CHD3: variants seen among roughly 807,000 people sequenced by gnomAD.
CHD3 encodes the protein ATP-dependent chromatin remodeler CHD3.
Under a neutral mutation model 248.9 loss-of-function variants are expected in CHD3, and 52 were observed. That is an observed-to-expected ratio of 0.21 (90% CI 0.17 to 0.26). The LOEUF (loss-of-function observed/expected upper bound fraction) is 0.26. Ranked by LOEUF, CHD3 falls within the 10% of genes least tolerant of loss-of-function variation. CHD3 has a pLI of 1.00. For missense variants in CHD3, 1,482 were observed against 2,605.8 expected (o/e 0.57, Z 9.39); for synonymous variants, 985 against 985.2 (o/e 1.00, Z 0.00).
chr17:7,893,002 A>G (rs1969105949), intron 4 of CHD3, among the ~76,000 whole-genome samples: 1 of 151,612 alleles, frequency 6.6e-6, no homozygotes, highest in Admixed American at 6.6e-5. Flanking sequence ...GGCTTATCTC[A>G]TAGCCCTGGG....
rs923984651 is a variant in CHD3, at chr17:7,899,751, T to G, written c.2545-145T>G. 4.2e-5 allele frequency: 49 copies of G among 1,155,712 alleles called. No homozygotes were observed. Among genetic ancestry groups the G allele is most frequent in the Non-Finnish European group, 5.6e-5 (45 of 802,690 alleles). The allele number at this position is 1,155,712 out of a possible 1,614,324, so 71.6% of individuals were successfully genotyped here. Reference sequence around the variant, plus strand: ...GGTACTGGAAATGTGGGCAGAGGTTTAGGAGCCATGGTCTGTAATCCCTGC... The same window carrying G: ...GGTACTGGAAATGTGGGCAGAGGTTGAGGAGCCATGGTCTGTAATCCCTGC... On this transcript the variant is annotated intron_variant, in intron 15 of 39. Transcript: ENST00000330494. The surrounding 1 kb of genome is among the most constrained non-coding windows in gnomAD (Gnocchi z 6.8).
Position 7,910,266 on chromosome 17 carries a change from C to T in CHD3, c.5591-162C>T. The T allele has an allele frequency of 1.2e-6, 1 of 858,438 alleles. No individual in the cohort carries two copies. The highest frequency in any genetic ancestry group is 1.9e-6 in the Non-Finnish European group (1 of 536,144). 53.2% of individuals were successfully genotyped at this position (858,438 alleles called of 1,614,324 possible). ...CTGAGTTGCTTCTGTTTTCCATCTA[C>T]TTCTTTTACTTTCTTGATCTCTGGT... On this transcript the variant is annotated intron_variant, in intron 37 of 39. Transcript: ENST00000330494. The surrounding 1 kb of genome is among the most constrained non-coding windows in gnomAD (Gnocchi z 4.7).
Position 7,905,759 on chromosome 17 carries a change from A to C in CHD3, c.4224+53A>C. ...TTCTCCAAGAGGGCATGAGGGCAGGAGGTTGGAAGTTGGTGCCTGGATCAC... is the reference window on the plus strand; with the variant it reads ...TTCTCCAAGAGGGCATGAGGGCAGGCGGTTGGAAGTTGGTGCCTGGATCAC... On this transcript the variant is annotated intron_variant, in intron 27 of 39. Coordinates refer to ENST00000330494, the MANE Select transcript of CHD3 (RefSeq NM_001005273.3). This position sits in a 1 kb window ranked among gnomAD's most constrained non-coding sequence, Gnocchi z 5.8. 1 of 1,613,104 alleles carries C rather than the reference A, an allele frequency of 6.2e-7. No individual in the cohort carries two copies. Among genetic ancestry groups the C allele is most frequent in the Non-Finnish European group, 8.5e-7 (1 of 1,179,138 alleles).
chr17:7,900,012 A>T lies in CHD3; in HGVS notation c.2661A>T (p.Arg887=). ...GTCTTGTGGTAGATGAGGCCCATCG[A>T]CTCAAGAACAACCAGTCCAAGGTGA... ...WACLVVDEAH[R]LKNNQSKFFR... The change falls in exon 16 of 40, where the codon CGA becomes CGT. Residue 887 remains arginine, a synonymous_variant. Transcript: ENST00000330494. The surrounding 1 kb of genome is among the most constrained non-coding windows in gnomAD (Gnocchi z 6.5). The T allele has an allele frequency of 6.2e-7, 1 of 1,612,772 alleles. No individual in the cohort carries two copies. The highest frequency in any genetic ancestry group is 1.1e-5 in the South Asian group (1 of 91,030).
chr17:7,893,634 C>T (rs952832743), intron 5 of CHD3, 65 bp downstream of exon 5: 52 of 1,529,936 alleles, frequency 3.4e-5, no homozygotes, highest in Non-Finnish European at 3.9e-5. Flanking sequence ...ACATTAGAGT[C>T]TGGAACTCTC....
In CHD3 at chr17:7,905,534, G is replaced by T. The variant is rs1250807904; in HGVS notation, c.4139-87G>T. 4 of 988,704 alleles carry T rather than the reference G, an allele frequency of 4.0e-6. No homozygotes were observed. Among genetic ancestry groups the T allele is most frequent in the Non-Finnish European group, 6.0e-6 (4 of 671,220 alleles). 61.2% of individuals were successfully genotyped at this position (988,704 alleles called of 1,614,324 possible). ...AACGTGACAGGAATGTTCCTGTGTT[G>T]TGTATCTTGTGGGAATGGGGTGCTA... On this transcript the variant is annotated intron_variant, in intron 26 of 39. Transcript: ENST00000330494. This position sits in a 1 kb window ranked among gnomAD's most constrained non-coding sequence, Gnocchi z 5.8.
chr17:7,890,439 A>G (rs554109948), intron 2 of CHD3, 132 bp from the exon 3 acceptor site: 20 of 675,312 alleles, frequency 3.0e-5, no homozygotes, highest in South Asian at 2.4e-5. Flanking sequence ...CAAAAAAAAA[A>G]AGGAGATAAA....
In CHD3 at chr17:7,894,249, A is replaced by G; in HGVS notation, c.1059A>G (p.Gly353=). 8 of 1,614,052 alleles carry G rather than the reference A, an allele frequency of 5.0e-6. No individual in the cohort carries two copies. Among genetic ancestry groups the G allele is most frequent in the Non-Finnish European group, 6.8e-6 (8 of 1,179,990 alleles). Residue 353 remains glycine (G), a synonymous_variant, in exon 7 of 40, where the codon GGA becomes GGG. Coordinates refer to ENST00000330494, the MANE Select transcript of CHD3 (RefSeq NM_001005273.3). ...RTKKLKRGRP[G]RKKKKVLGCP... is the part of the protein sequence containing the mutation. ...AGAAACTAAAGAGAGGCCGGCCAGG[A>G]AGGAAGAAGAAGAAGGGTAAGGAGT...
intron 7 of CHD3, 61 bp downstream of exon 7, chr17:7,894,326 A>G (rs1969341968): frequency 1.3e-6 from 2 of 1,593,226 alleles, no homozygotes; most frequent in Non-Finnish European, 1.7e-6. Context: ...CTTATTTTCA[A>G]TTTTGACTTC....
intron 4 of CHD3, among the ~76,000 whole-genome samples, chr17:7,891,896 T>C (rs557576969): frequency 1.3e-5 from 2 of 152,074 alleles, no homozygotes; most frequent in African/African-American, 4.8e-5. Flanking sequence ...TGCCGATGTA[T>C]TTTGTTTTGG....
At chr17:7,894,853 G>GT (rs1274729576) in intron 8 of CHD3, 64 bp from the exon 9 acceptor site, 4 of 1,589,406 alleles carry the variant, frequency 2.5e-6, no homozygotes, top group Non-Finnish European at 3.4e-6. Context: ...GTCTTTGCCT[G>GT]TATCTTCCAG....
In CHD3 at chr17:7,908,656, C is replaced by G; in HGVS notation, c.5262-41C>G. 6.2e-7 allele frequency: 1 copy of G among 1,612,090 alleles called. No individual in the cohort carries two copies. Among genetic ancestry groups the G allele is most frequent in the Non-Finnish European group, 8.5e-7 (1 of 1,178,336 alleles). ...AGAAGTGTTCAAAGCCAAGCCCATT[C>G]CTGTTAAATTCCTTGATGGTTCCTT... is the stretch of plus-strand genomic sequence containing the variant. On this transcript the variant is annotated intron_variant, in intron 35 of 39. Transcript: ENST00000330494. The surrounding 1 kb of genome is among the most constrained non-coding windows in gnomAD (Gnocchi z 5.8).
At chr17:7,885,443 C>A (rs1190250079), upstream of CHD3, among the ~76,000 whole-genome samples, 2 of 150,770 alleles carry the variant, frequency 1.3e-5, no homozygotes, top group Admixed American at 1.3e-4. Flanking sequence ...TTTTTTTTAC[C>A]CTCGGCGGGG....
At position 7,909,446 on chromosome 17, in the gene CHD3, C is replaced by T. The variant is rs1269117282; in HGVS notation, c.5590+108C>T. On this transcript the variant is annotated intron_variant, in intron 37 of 39. Transcript: ENST00000330494. The surrounding 1 kb of genome is among the most constrained non-coding windows in gnomAD (Gnocchi z 8.1). ...CCCCCTGACCCCTCTACCTGCTGAA[C>T]CATCCCCCTCTGACCTCTAACCCCA... 1 of 1,396,668 alleles carries T rather than the reference C, an allele frequency of 7.2e-7. No individual in the cohort carries two copies. The highest frequency in any genetic ancestry group is 2.6e-5 in the East Asian group (1 of 38,984). The allele number at this position is 1,396,668 out of a possible 1,614,324, so 86.5% of individuals were successfully genotyped here. A position where few individuals can be genotyped will look rare whatever the true frequency, so the allele number is the denominator to read the frequency against.
Position 7,904,573 on chromosome 17 carries a change from G to A in CHD3, c.4026G>A (p.Arg1342=). The A allele has an allele frequency of 6.2e-7, 1 of 1,614,082 alleles. No individual in the cohort carries two copies. The highest frequency in any genetic ancestry group is 2.2e-5 in the East Asian group (1 of 44,864). Residue 1342 remains arginine, a synonymous_variant, in exon 25 of 40, where the codon CGG becomes CGA. Transcript: ENST00000330494. This position sits in a 1 kb window ranked among gnomAD's most constrained non-coding sequence, Gnocchi z 4.4. ...DLARNLGKGK[R]VRKQVNYNDA... ...CCCGGAATCTAGGCAAGGGCAAGCGGGTTCGCAAGCAAGTTAACTACAATG... is the reference window on the plus strand; with the variant it reads ...CCCGGAATCTAGGCAAGGGCAAGCGAGTTCGCAAGCAAGTTAACTACAATG...
chr17:7,911,609 C>T lies in CHD3; in HGVS notation c.*24C>T. On this transcript the variant is annotated 3_prime_UTR_variant, in exon 40 of 40. Transcript: ENST00000330494. This position sits in a 1 kb window ranked among gnomAD's most constrained non-coding sequence, Gnocchi z 5.4. Reference sequence around the variant, plus strand: ...GACTGGATCCCAGGCCTGCCCTTCACCCAGGCCCCGTCCCCGAGGCCGACC... The same window carrying T: ...GACTGGATCCCAGGCCTGCCCTTCATCCAGGCCCCGTCCCCGAGGCCGACC... The T allele has an allele frequency of 6.2e-7, 1 of 1,613,646 alleles. No homozygotes were observed. The highest frequency in any genetic ancestry group is 8.5e-7 in the Non-Finnish European group (1 of 1,179,706).
At position 7,889,565 on chromosome 17, in the gene CHD3, A is replaced by G. The variant is rs1968518893; in HGVS notation, c.101-99A>G. 1.1e-6 allele frequency: 1 copy of G among 939,998 alleles called. No homozygotes were observed. Among genetic ancestry groups the G allele is most frequent in the Admixed American group, 2.3e-5 (1 of 43,340 alleles). The allele number at this position is 939,998 out of a possible 1,614,324, so 58.2% of individuals were successfully genotyped here. A position where few individuals can be genotyped will look rare whatever the true frequency, so the allele number is the denominator to read the frequency against. The stretch of plus-strand genomic sequence containing the variant: ...GGGCTTGGAGGAGTTAATGCTTCCT[A>G]GAGAGTGGGAACTGCCGAGGTGGGG... On this transcript the variant is annotated intron_variant, in intron 1 of 39. Coordinates refer to ENST00000330494, the MANE Select transcript of CHD3 (RefSeq NM_001005273.3). This position sits in a 1 kb window ranked among gnomAD's most constrained non-coding sequence, Gnocchi z 4.5.
Position 7,900,059 on chromosome 17 carries a change from A to C in CHD3, c.2682+26A>C. The C allele has an allele frequency of 6.3e-7, 1 of 1,582,108 alleles. No homozygotes were observed. The highest frequency in any genetic ancestry group is 8.6e-7 in the Non-Finnish European group (1 of 1,161,596). On this transcript the variant is annotated intron_variant, in intron 16 of 39. Coordinates refer to ENST00000330494, the MANE Select transcript of CHD3 (RefSeq NM_001005273.3). The surrounding 1 kb of genome is among the most constrained non-coding windows in gnomAD (Gnocchi z 6.5). ...GTGAGTGAGGTTTCCAGACCTAAAAAACTTGAAGTTGTGGACTTCCCACTT... is the reference window on the plus strand; with the variant it reads ...GTGAGTGAGGTTTCCAGACCTAAAACACTTGAAGTTGTGGACTTCCCACTT...
chr17:7,895,271 C>A lies in CHD3; in HGVS notation c.1504-68C>A. On this transcript the variant is annotated intron_variant, in intron 9 of 39. Transcript: ENST00000330494. The surrounding 1 kb of genome is among the most constrained non-coding windows in gnomAD (Gnocchi z 4.9). ...TCCCCCACCCTTGTGGGACCCCTAT[C>A]TTCTCATCTAACAATGGGTTCTTTC... is the stretch of plus-strand genomic sequence containing the variant. 1 of 1,590,386 alleles carries A rather than the reference C, an allele frequency of 6.3e-7. No homozygotes were observed. The highest frequency in any genetic ancestry group is 1.1e-5 in the South Asian group (1 of 88,064).
Sources: allele counts gnomAD v4.1 joint callset (sites outside exome capture counted in the v4.1 genomes callset), GRCh38; gene constraint gnomAD v4.1.1; non-coding constraint Gnocchi (gnomAD v3.1); transcripts MANE v1.5; gene names NCBI Gene and HGNC (gene_info 2026-07-23, HGNC 2026-07-21).